The following FAT3 variants were observed in gnomAD, a reference collection of about 807,000 sequenced individuals.
The protein encoded by FAT3 is protocadherin Fat 3.
In FAT3, 95 loss-of-function variants were observed where a neutral mutation model predicts 310.2. The observed-to-expected ratio is 0.31, with a 90% CI of 0.26 to 0.36. The LOEUF (loss-of-function observed/expected upper bound fraction) is 0.36. Ranked by LOEUF, FAT3 falls within the 10% of genes least tolerant of loss-of-function variation. FAT3 has a pLI of 1.00. For synonymous variants in FAT3, 2,314 were observed against 2,192.9 expected, an observed-to-expected ratio of 1.06 and a Z score of -1.54; for missense variants, 5,408 against 5,715.6, an observed-to-expected ratio of 0.95 and a Z score of 1.74.
At chr11:92,442,096 TATATA>T (rs1565320014) in intron 2 of FAT3, among the ~76,000 whole-genome samples, 4 of 49,196 alleles carry the variant, frequency 8.1e-5, no homozygotes, top group South Asian at 7.8e-4. Flanking sequence ...TATATATATA[TATATA>T]TATATATATA....
chr11:92,367,258 G>T, intron 2 of FAT3: 1 of 261,940 alleles, frequency 3.8e-6, no homozygotes, highest in Non-Finnish European at 7.7e-6. Context: ...CATGGTGGCT[G>T]TCTGGGCATG....
chr11:92,698,137 A>G (rs1943993586), intron 4 of FAT3, among the ~76,000 whole-genome samples: 2 of 152,182 alleles, frequency 1.3e-5, no homozygotes. Context: ...GAAACAGATG[A>G]CGATGCTTAG....
chr11:92,366,568 G>T (rs574126181), intron 2 of FAT3: 2 of 512,844 alleles, frequency 3.9e-6, no homozygotes, highest in South Asian at 1.5e-5. Context: ...AACTGCATGC[G>T]CCTGATGGGC....
At chr11:92,387,074 GT>G in intron 2 of FAT3, among the ~76,000 whole-genome samples, 1 of 40,916 alleles carries the variant, frequency 2.4e-5, no homozygotes, top group South Asian at 8.8e-4. Flanking sequence ...GTGTGTGTGT[GT>G]GTGTGTGTGT....
At chr11:92,794,213 C>T (rs1947109802) in intron 9 of FAT3, among the ~76,000 whole-genome samples, 1 of 151,854 alleles carries the variant, frequency 6.6e-6, no homozygotes, top group Admixed American at 6.6e-5. Flanking sequence ...ATTATATAAT[C>T]TTTGTTCTTT....
intron 3 of FAT3, among the ~76,000 whole-genome samples, chr11:92,652,931 G>T (rs565274871): frequency 6.6e-6 from 1 of 152,144 alleles, no homozygotes. Context: ...GGGAAGCCGA[G>T]GCGGGTAGAT....
intron 1 of FAT3, among the ~76,000 whole-genome samples, chr11:92,227,108 G>A (rs11601206): frequency 2.0e-5 from 3 of 152,068 alleles, no homozygotes; most frequent in Non-Finnish European, 4.4e-5. Context: ...GGCTTGAGCG[G>A]CTGGGGTTCC....
Position 92,798,664 on chromosome 11 carries a change from C to T in FAT3, c.5651C>T (p.Thr1884Ile), listed in dbSNP as rs769898122. The change falls in exon 10 of 28, where the codon ACT (threonine) becomes ATT (isoleucine). Residue 1884 changes from threonine (T) to isoleucine (I), a missense_variant. Transcript: ENST00000525166. Reference protein sequence around the residue: ...TDVNDNPPVFTQAVFETILLL... With the variant: ...TDVNDNPPVFIQAVFETILLL... ...GTGAATGATAACCCACCTGTTTTTA[C>T]TCAGGCTGTGTTTGAGACTATCTTA... 1 of 1,613,720 alleles carries T rather than the reference C, an allele frequency of 6.2e-7. No individual in the cohort carries two copies. The highest frequency in any genetic ancestry group is 1.1e-5 in the South Asian group (1 of 91,024).
intron 24 of FAT3, among the ~76,000 whole-genome samples, chr11:92,885,284 G>T (rs917238657): frequency 3.9e-5 from 6 of 152,104 alleles, no homozygotes; most frequent in African/African-American, 1.4e-4. Flanking sequence ...CCCCCATGTT[G>T]GTACCATTAC....
At chr11:92,476,676 G>T (rs1952059965) in intron 2 of FAT3, among the ~76,000 whole-genome samples, 1 of 152,140 alleles carries the variant, frequency 6.6e-6, no homozygotes, top group South Asian at 2.1e-4. Context: ...AGAACAAAAA[G>T]CTTTATAAAC....
intron 3 of FAT3, among the ~76,000 whole-genome samples, chr11:92,532,495 C>G (rs1382335417): frequency 1.3e-5 from 2 of 152,200 alleles, no homozygotes; most frequent in Non-Finnish European, 2.9e-5. Context: ...CTGCCTCTCA[C>G]TTCCCTCTGA....
chr11:92,365,052 G>C (rs1948981779), intron 2 of FAT3, among the ~76,000 whole-genome samples: 1 of 152,126 alleles, frequency 6.6e-6, no homozygotes, highest in South Asian at 2.1e-4. Context: ...TTGATTCCAG[G>C]AGTTCATGAC....
intron 1 of FAT3, chr11:92,336,300 A>C (rs1327841695): frequency 2.1e-6 from 1 of 478,248 alleles, no homozygotes; most frequent in African/African-American, 2.0e-5. Flanking sequence ...CTTCTCATAG[A>C]AGTTTTTGTC....
chr11:92,511,233 A>T (rs1426830615), intron 2 of FAT3, among the ~76,000 whole-genome samples: 2 of 152,234 alleles, frequency 1.3e-5, no homozygotes, highest in Non-Finnish European at 2.9e-5. Context: ...AGGATAATTC[A>T]CAGATGGAGA....
intron 4 of FAT3, among the ~76,000 whole-genome samples, chr11:92,741,150 T>C (rs1197823660): frequency 2.0e-5 from 3 of 152,190 alleles, no homozygotes; most frequent in Non-Finnish European, 4.4e-5. Context: ...CAAGCAATCC[T>C]TCCACCTTAG....
At chr11:92,588,089 T>A (rs1314062898) in intron 3 of FAT3, among the ~76,000 whole-genome samples, 1 of 152,092 alleles carries the variant, frequency 6.6e-6, no homozygotes, top group Middle Eastern at 3.4e-3. Context: ...CCTCAAGAGG[T>A]TGACTGTATA....
chr11:92,397,395 G>T (rs374497081), intron 2 of FAT3, among the ~76,000 whole-genome samples: 1 of 152,124 alleles, frequency 6.6e-6, no homozygotes, highest in Non-Finnish European at 1.5e-5. Context: ...TGTCAGCAGC[G>T]CATGGGTCCC....
intron 4 of FAT3, among the ~76,000 whole-genome samples, chr11:92,713,917 A>C (rs1245999541): frequency 1.3e-5 from 2 of 152,176 alleles, no homozygotes; most frequent in Non-Finnish European, 2.9e-5. Flanking sequence ...GGTAATTTTG[A>C]AATTGGGAGA....
chr11:92,356,567 A>G (rs1041945679), intron 2 of FAT3, among the ~76,000 whole-genome samples: 1 of 152,126 alleles, frequency 6.6e-6, no homozygotes, highest in South Asian at 2.1e-4. Flanking sequence ...ACTTCTTTCC[A>G]TGTCACATGG....
Sources: allele counts gnomAD v4.1 joint callset (sites outside exome capture counted in the v4.1 genomes callset), GRCh38; gene constraint gnomAD v4.1.1; transcripts MANE v1.5; gene names NCBI Gene and HGNC (gene_info 2026-07-23, HGNC 2026-07-21).